The following E2F5 variants were observed in gnomAD, a reference collection of about 807,000 sequenced individuals.
E2F5 encodes E2F transcription factor 5, also known as transcription factor E2F5.
A neutral mutation model predicts 39.1 loss-of-function variants in E2F5; 23 were observed. The observed-to-expected ratio is 0.59, with a 90% CI of 0.42 to 0.83. E2F5 has a LOEUF of 0.83. Ranked by LOEUF, E2F5 falls within the 40% of genes least tolerant of loss-of-function variation. The pLI, the probability that E2F5 is intolerant of heterozygous loss-of-function variation, is 0.00. For missense variants in E2F5, 365 were observed against 406.7 expected (o/e 0.90, Z 0.88); for synonymous variants, 145 against 157.8 (o/e 0.92, Z 0.61).
At chr8:85,200,190 T>C (rs4150928) in intron 1 of E2F5, 9 of 427,094 alleles carry the variant, frequency 2.1e-5, no homozygotes, top group Non-Finnish European at 2.8e-5. Context: ...GAGGTTGCAG[T>C]GAGCCAAGAT....
At chr8:85,195,851 T>C (rs1812568186) in intron 1 of E2F5, among the ~76,000 whole-genome samples, 1 of 152,180 alleles carries the variant, frequency 6.6e-6, no homozygotes, top group South Asian at 2.1e-4. Context: ...TAGATCTTAA[T>C]AATTTATAGG....
chr8:85,201,873 A>G (rs904737743), intron 1 of E2F5: 3 of 428,634 alleles, frequency 7.0e-6, no homozygotes, highest in Non-Finnish European at 1.2e-5. Context: ...GGTGACACAA[A>G]GTATTCTTAT....
At chr8:85,200,722 C>G (rs1414661950) in intron 1 of E2F5, among the ~76,000 whole-genome samples, 1 of 152,152 alleles carries the variant, frequency 6.6e-6, no homozygotes, top group Admixed American at 6.5e-5. Context: ...GTGTATTGCT[C>G]TTCATAAAAA....
intron 1 of E2F5, among the ~76,000 whole-genome samples, chr8:85,198,042 G>A (rs1014251744): frequency 1.3e-5 from 2 of 151,830 alleles, no homozygotes; most frequent in African/African-American, 2.4e-5. Flanking sequence ...CTTTCTCCCC[G>A]ATCCCAGTGC....
At chr8:85,194,533 CTTTTTTTTTT>C (rs753685580) in intron 1 of E2F5, among the ~76,000 whole-genome samples, 2 of 128,002 alleles carry the variant, frequency 1.6e-5, no homozygotes, top group Non-Finnish European at 3.3e-5. Flanking sequence ...GTTTGTTTCT[CTTTTTTTTTT>C]TTTTTTTTTG....
intron 1 of E2F5, among the ~76,000 whole-genome samples, chr8:85,196,326 A>G (rs1179385084): frequency 2.0e-5 from 3 of 152,144 alleles, no homozygotes; most frequent in African/African-American, 4.8e-5. Context: ...TCTATCTCTT[A>G]TAACATTTTG....
intron 1 of E2F5, among the ~76,000 whole-genome samples, chr8:85,181,545 G>A (rs976521102): frequency 6.9e-6 from 1 of 145,694 alleles, no homozygotes; most frequent in Non-Finnish European, 1.5e-5. Context: ...GGGTTTCACC[G>A]TGTTAGAATG....
At chr8:85,206,766 CGT>C (rs1194242890) in intron 4 of E2F5, among the ~76,000 whole-genome samples, 1 of 151,942 alleles carries the variant, frequency 6.6e-6, no homozygotes, top group Non-Finnish European at 1.5e-5. Flanking sequence ...AATGGGGGGA[CGT>C]GTGTTCCCAA....
At chr8:85,181,059 G>C (rs1041039087) in intron 1 of E2F5, among the ~76,000 whole-genome samples, 4 of 151,716 alleles carry the variant, frequency 2.6e-5, no homozygotes, top group Non-Finnish European at 5.9e-5. Context: ...TATATTTTTA[G>C]TAGAGACAGG....
intron 1 of E2F5, among the ~76,000 whole-genome samples, chr8:85,195,591 G>A (rs1812562860): frequency 6.6e-6 from 1 of 152,090 alleles, no homozygotes; most frequent in African/African-American, 2.4e-5. Context: ...CTGGGTTCTA[G>A]TGATTCTTCG....
chr8:85,181,202 A>G (rs1182417155), intron 1 of E2F5, among the ~76,000 whole-genome samples: 4 of 152,206 alleles, frequency 2.6e-5, no homozygotes, highest in African/African-American at 9.6e-5. Context: ...ATAAAAAAGT[A>G]TATCAAACTT....
At chr8:85,203,745 G>T (rs1812743449) in intron 3 of E2F5, among the ~76,000 whole-genome samples, 1 of 150,718 alleles carries the variant, frequency 6.6e-6, no homozygotes, top group African/African-American at 2.4e-5. Flanking sequence ...TCCTACTGGA[G>T]AACAGGGGTC....
chr8:85,182,334 G>A (rs770073379), intron 1 of E2F5, among the ~76,000 whole-genome samples: 5 of 152,202 alleles, frequency 3.3e-5, no homozygotes, highest in African/African-American at 7.2e-5. Context: ...ATTTCACAGC[G>A]TAAGAAACTG....
At chr8:85,190,906 A>G (rs1812447799) in intron 1 of E2F5, among the ~76,000 whole-genome samples, 1 of 152,150 alleles carries the variant, frequency 6.6e-6, no homozygotes, top group African/African-American at 2.4e-5. Context: ...AAAGAGGTGG[A>G]AGCTTGAAAA....
rs1391733871 is a variant in E2F5, at chr8:85,207,465, A to G, written c.591A>G (p.Gln197=). The G allele has an allele frequency of 6.4e-7, 1 of 1,561,384 alleles. No individual in the cohort carries two copies. Among genetic ancestry groups the G allele is most frequent in the Non-Finnish European group, 8.7e-7 (1 of 1,151,586 alleles). ...CCATTCAGGCACCTTCTGGTACACA[A>G]CTGGAGGTACCCATTCCAGAAATGG... ...LLAIQAPSGT[Q]LEVPIPEMGQ... The change falls in exon 5 of 8, where the codon CAA becomes CAG. Residue 197 remains glutamine (Q), a synonymous_variant. Coordinates refer to ENST00000416274, the MANE Select transcript of E2F5 (RefSeq NM_001951.4).
chr8:85,177,552 C>G lies in E2F5; in HGVS notation c.132C>G (p.Ala44=), dbSNP rs12926. 0.66 allele frequency: 817,917 copies of G among 1,240,086 alleles called. 272,334 individuals carry two copies. The highest frequency in any genetic ancestry group is 0.68 in the Non-Finnish European group (669,773 of 990,200). 76.8% of individuals were successfully genotyped at this position (1,240,086 alleles called of 1,614,324 possible). A position where few individuals can be genotyped will look rare whatever the true frequency, so the allele number is the denominator to read the frequency against. The part of the protein sequence containing the change: ...QPPPPPQLGG[A]GGGSSRHEKS... ...CCCCGCCGCCGCAGCTCGGGGGCGC[C>G]GGGGGCGGCAGCAGCAGGCACGAGA... The change falls in exon 1 of 8, where the codon GCC becomes GCG. Residue 44 remains alanine (A), a synonymous_variant. Coordinates refer to ENST00000416274, the MANE Select transcript of E2F5 (RefSeq NM_001951.4).
intron 6 of E2F5, among the ~76,000 whole-genome samples, chr8:85,211,011 G>A (rs1246687813): frequency 6.6e-6 from 1 of 152,120 alleles, no homozygotes; most frequent in African/African-American, 2.4e-5. Flanking sequence ...TAGGAAAGAT[G>A]CTTTTGGCCC....
chr8:85,203,046 T>C (rs1225259390), intron 2 of E2F5, 48 bp from the exon 3 acceptor site: 3 of 1,280,076 alleles, frequency 2.3e-6, no homozygotes, highest in Non-Finnish European at 2.0e-6. Flanking sequence ...TTAAGTGATA[T>C]TAACCTAGAT....
At chr8:85,209,556 G>T in intron 6 of E2F5, 147 bp downstream of exon 6, 1 of 963,574 alleles carries the variant, frequency 1.0e-6, no homozygotes, top group Non-Finnish European at 1.5e-6. Context: ...ACATATCTTG[G>T]GGATAGGACC....
Sources: allele counts gnomAD v4.1 joint callset (sites outside exome capture counted in the v4.1 genomes callset), GRCh38; gene constraint gnomAD v4.1.1; transcripts MANE v1.5; gene names NCBI Gene and HGNC (gene_info 2026-07-23, HGNC 2026-07-21).